SGO1: variants seen among roughly 807,000 people sequenced by gnomAD.
The protein encoded by SGO1 is serologically defined breast cancer antigen NY-BR-85.
SGO1 carries 39 observed loss-of-function variants against 50.5 expected under a neutral mutation model. That is an observed-to-expected ratio of 0.77 (90% CI 0.60 to 1.01). The LOEUF is 1.01. SGO1 is among the 50% of genes least tolerant of loss of function. SGO1 has a pLI of 0.00. For synonymous variants in SGO1, 191 were observed against 205.1 expected (o/e 0.93, Z 0.59); for missense variants, 638 against 606.0 (o/e 1.05, Z -0.55).
chr3:20,177,168 T>A (rs970462397), intron 4 of SGO1: 3 of 152,298 alleles, frequency 2.0e-5, no homozygotes, highest in African/African-American at 7.2e-5. Context: ...TCTAACACTA[T>A]TACTGGCAGT....
chr3:20,168,066 C>T (rs1188706429), downstream of SGO1, among the ~76,000 whole-genome samples: 2 of 152,060 alleles, frequency 1.3e-5, no homozygotes, highest in Non-Finnish European at 2.9e-5. Context: ...GTACAATATT[C>T]CTATAAAATG....
At chr3:20,184,673 GCAGAGGAACACTCTAGTATTCT>G (rs1474858782) in intron 1 of SGO1, among the ~76,000 whole-genome samples, 1 of 152,268 alleles carries the variant, frequency 6.6e-6, no homozygotes, top group Middle Eastern at 3.4e-3. Context: ...AGGAACTTGG[GCAGAGGAACACTCTAGTATTCT>G]CAAACTGTGG....
At position 20,160,958 on chromosome 3, in the gene SGO1, T is replaced by G. The variant is rs529721293; in HGVS notation, c.*147A>C. The G allele has an allele frequency of 3.9e-4, 469 of 1,209,018 alleles. 1 individual carries two copies. The African/African-American group carries it at 6.7e-3, about 17-fold the overall frequency. The allele number at this position is 1,209,018 out of a possible 1,614,324, so 74.9% of individuals were successfully genotyped here. A position where few individuals can be genotyped will look rare whatever the true frequency, so the allele number is the denominator to read the frequency against. Reference sequence around the variant, plus strand: ...ATCTCTAATTAAAGGGCTTAGATTTTATTATGTATGTAGGCTGAGTGAAAC... The same window carrying G: ...ATCTCTAATTAAAGGGCTTAGATTTGATTATGTATGTAGGCTGAGTGAAAC... On this transcript the variant is annotated 3_prime_UTR_variant, in exon 9 of 9. Transcript: ENST00000263753.
intron 3 of SGO1, among the ~76,000 whole-genome samples, chr3:20,180,916 C>T (rs1286013627): frequency 6.6e-6 from 1 of 152,184 alleles, no homozygotes; most frequent in East Asian, 1.9e-4. Flanking sequence ...TGCTTGATAC[C>T]AGGAGCTCAA....
Position 20,170,505 on chromosome 3 carries a change from AAAT to A in SGO1, c.*196_*198del, listed in dbSNP as rs1700602349. 2.6e-6 allele frequency: 3 copies of A among 1,161,108 alleles called. No individual in the cohort carries two copies. The highest frequency in any genetic ancestry group is 3.2e-6 in the Non-Finnish European group (3 of 943,308). The allele number at this position is 1,161,108 out of a possible 1,614,324, so 71.9% of individuals were successfully genotyped here. A position where few individuals can be genotyped will look rare whatever the true frequency, so the allele number is the denominator to read the frequency against. On this transcript the variant is annotated 3_prime_UTR_variant, in exon 8 of 8. Transcript: ENST00000412997. ...CTCAGTTATTTATATTCAAAAGAAA[AAAT>A]AAATTAAATTTATTAAAGTTTTAAT...
At chr3:20,176,757 A>G in intron 4 of SGO1, 98 bp from the exon 5 acceptor site, 1 of 777,396 alleles carries the variant, frequency 1.3e-6, no homozygotes, top group Non-Finnish European at 2.0e-6. Context: ...CTTTAGTATC[A>G]TTTCATAATT....
chr3:20,171,252 G>T lies in SGO1; in HGVS notation c.1283-20C>A. On this transcript the variant is annotated intron_variant, in intron 6 of 7. Transcript: ENST00000412997. ...GTGTAGCTACAAAACAATTTTTACT[G>T]AATATGATTTAAAAAAAAAAACCCA... 1.3e-6 allele frequency: 2 copies of T among 1,509,788 alleles called. No individual in the cohort carries two copies. The highest frequency in any genetic ancestry group is 2.4e-5 in the Admixed American group (1 of 41,872). The allele number at this position is 1,509,788 out of a possible 1,614,324, so 93.5% of individuals were successfully genotyped here.
rs897597419 is a variant in SGO1 at position 20,175,015 on chromosome 3, A to G, written c.516T>C (p.Asp172=). ...TAGACTTAGCTTCACCTGAATCAAA[A>G]TCAACTCCCAGTGTGTCTTGAGGAA... ...PTIPQDTLGV[D]FDSGEAKSTD... The change falls in exon 6 of 8, where the codon GAT becomes GAC. Residue 172 remains aspartate (D), a synonymous_variant. Transcript: ENST00000412997. The G allele has an allele frequency of 1.3e-6, 2 of 1,589,356 alleles. No homozygotes were observed. The highest frequency in any genetic ancestry group is 1.7e-6 in the Non-Finnish European group (2 of 1,167,304).
In SGO1 at chr3:20,169,487, CT is replaced by C. The variant is rs760786980; in HGVS notation, c.*1216del. Reference sequence around the variant, plus strand: ...AGAATAGAAGGAAAGCAATCACTATCTTATACAAACTTTATTGCTCTTTAAA... The same window carrying C: ...AGAATAGAAGGAAAGCAATCACTATCTATACAAACTTTATTGCTCTTTAAA... On this transcript the variant is annotated 3_prime_UTR_variant, in exon 8 of 8. Coordinates refer to ENST00000412997, the MANE Select transcript of SGO1 (RefSeq NM_001199251.3). 2 of 979,214 alleles carry C rather than the reference CT, an allele frequency of 2.0e-6. No homozygotes were observed. The highest frequency in any genetic ancestry group is 2.4e-6 in the Non-Finnish European group (2 of 824,402). The allele number at this position is 979,214 out of a possible 1,614,324, so 60.7% of individuals were successfully genotyped here.
At chr3:20,161,311 C>T (rs1471137181) in intron 8 of SGO1, 5 of 1,403,142 alleles carry the variant, frequency 3.6e-6, no homozygotes, top group Non-Finnish European at 9.3e-7. Context: ...AAAATAAGTT[C>T]CATGAAGGAT....
In SGO1 at chr3:20,174,302, T is replaced by G. The variant is rs972733262; in HGVS notation, c.1229A>C (p.Lys410Thr). The change falls in exon 6 of 8, where the codon AAA becomes ACA. Residue 410 changes from lysine (K) to threonine (T), a missense_variant. Transcript: ENST00000412997. ...CTCCGTCTCTTTTTCATCTGTGTATTTCAGTGCTCTTTTAGCTAGAGGCCT... is the reference window on the plus strand; with the variant it reads ...CTCCGTCTCTTTTTCATCTGTGTATGTCAGTGCTCTTTTAGCTAGAGGCCT... ...VTRPLAKRAL[K>T]YTDEKETEGS... 26 of 1,614,056 alleles carry G rather than the reference T, an allele frequency of 1.6e-5. No homozygotes were observed. The highest frequency in any genetic ancestry group is 1.9e-5 in the Non-Finnish European group (23 of 1,180,028).
At position 20,175,001 on chromosome 3, in the gene SGO1, T is replaced by A; in HGVS notation, c.530A>T (p.Glu177Val). Reference protein sequence around the residue: ...DTLGVDFDSGEAKSTDNVLPR... With the variant: ...DTLGVDFDSGVAKSTDNVLPR... ...TAAGACATTATCAGTAGACTTAGCTTCACCTGAATCAAAATCAACTCCCAG... is the reference window on the plus strand; with the variant it reads ...TAAGACATTATCAGTAGACTTAGCTACACCTGAATCAAAATCAACTCCCAG... The change falls in exon 6 of 8, where the codon GAA becomes GTA. Residue 177 changes from glutamate to valine, a missense_variant. Coordinates refer to ENST00000412997, the MANE Select transcript of SGO1 (RefSeq NM_001199251.3). The A allele has an allele frequency of 1.3e-6, 2 of 1,594,220 alleles. No individual in the cohort carries two copies. Among genetic ancestry groups the A allele is most frequent in the Non-Finnish European group, 1.7e-6 (2 of 1,170,246 alleles).
chr3:20,172,939 C>G (rs1448660160), intron 6 of SGO1, among the ~76,000 whole-genome samples: 1 of 151,916 alleles, frequency 6.6e-6, no homozygotes, highest in Non-Finnish European at 1.5e-5. Flanking sequence ...GCCCTCCAGC[C>G]GAGGTGATAG....
In SGO1 at chr3:20,183,941, GT is replaced by G. The variant is rs1433187315; in HGVS notation, c.86del (p.Asn29ThrfsTer12). On this transcript the variant is annotated frameshift_variant, in exon 2 of 8. Transcript: ENST00000412997. LOFTEE classifies it high-confidence loss of function. ...KKRMKEKRNK[N>X]LAEIGKRRSF... Reference sequence around the variant, plus strand: ...ACCTGCGTTTGCCAATCTCTGCCAAGTTTTTATTCCTTTTCTCTTTCATTCG... The same window carrying G: ...ACCTGCGTTTGCCAATCTCTGCCAAGTTTTATTCCTTTTCTCTTTCATTCG... The G allele has an allele frequency of 6.2e-7, 1 of 1,612,644 alleles. No homozygotes were observed. Among genetic ancestry groups the G allele is most frequent in the East Asian group, 2.2e-5 (1 of 44,784 alleles).
chr3:20,174,783 T>G lies in SGO1; in HGVS notation c.748A>C (p.Lys250Gln). The G allele has an allele frequency of 6.2e-7, 1 of 1,614,134 alleles. No homozygotes were observed. Among genetic ancestry groups the G allele is most frequent in the South Asian group, 1.1e-5 (1 of 91,084 alleles). ...NVQHNACQWS[K>Q]DQVNLSPKLI... ...TTTGGTGATAAGTTAACTTGGTCCT[T>G]GCTCCATTGACAAGCATTGTGTTGT... Residue 250 changes from lysine (K) to glutamine (Q), a missense_variant, in exon 6 of 8, where the codon AAG (lysine) becomes CAG (glutamine). Transcript: ENST00000412997.
Position 20,174,575 on chromosome 3 carries a change from GT to G in SGO1, c.955del (p.Thr319LeufsTer34), listed in dbSNP as rs748571368. ...YKENKSENKK[T>X]VPQKKMHKSV... ...TTTGTGCATTTTTTTTTGGGGAACA[GT>G]TTTTTTATTTTCGCTTTTATTCTCT... is the stretch of plus-strand genomic sequence containing the variant. On this transcript the variant is annotated frameshift_variant, in exon 6 of 8. Transcript: ENST00000412997. LOFTEE classifies it high-confidence loss of function. 6.2e-7 allele frequency: 1 copy of G among 1,603,678 alleles called. No homozygotes were observed. Among genetic ancestry groups the G allele is most frequent in the South Asian group, 1.1e-5 (1 of 87,666 alleles).
exon 9 of SGO1, chr3:20,160,734 C>T (rs1700000018): frequency 6.4e-6 from 1 of 155,840 alleles, no homozygotes; most frequent in South Asian, 2.0e-4. Context: ...ATTTCGCTTA[C>T]ACAATATCAA....
downstream of SGO1, chr3:20,169,152 T>C (rs1700476681): frequency 1.0e-6 from 1 of 985,200 alleles, no homozygotes; most frequent in Non-Finnish European, 1.2e-6. Context: ...TGACATAGAA[T>C]ACAGAAAGAT....
chr3:20,166,975 C>A (rs1472840906), downstream of SGO1, among the ~76,000 whole-genome samples: 1 of 151,026 alleles, frequency 6.6e-6, no homozygotes, highest in African/African-American at 2.4e-5. Flanking sequence ...CACTGCACTG[C>A]AGCCTGGGTG....
Sources: gnomAD v4.1 joint callset for allele counts (sites outside exome capture counted in the v4.1 genomes callset) on GRCh38, gnomAD v4.1.1 for gene constraint, MANE v1.5 for transcripts, NCBI Gene and HGNC (gene_info 2026-07-23, HGNC 2026-07-21) for gene names.